The following WEE2 variants were observed in gnomAD, a reference collection of about 807,000 sequenced individuals.
The protein encoded by WEE2 is WEE2 oocyte meiosis inhibiting kinase.
A neutral mutation model predicts 60.1 loss-of-function variants in WEE2; 50 were observed. That is an observed-to-expected ratio of 0.83 (90% CI 0.66 to 1.05). The LOEUF is 1.05. Among genes scored for constraint, WEE2 ranks in the 50% least tolerant of loss-of-function variants. The probability of loss-of-function intolerance (pLI) is 0.00; values close to 1 mark genes in which losing one functional copy is unlikely to be tolerated. For missense variants in WEE2, 631 were observed against 684.3 expected (o/e 0.92, Z 0.87); for synonymous variants, 240 against 241.0 (o/e 1.00, Z 0.04).
intron 9 of WEE2, 116 bp downstream of exon 9, chr7:141,725,312 C>T (rs925351735): frequency 2.0e-5 from 25 of 1,219,696 alleles, no homozygotes; most frequent in South Asian, 7.9e-5. Context: ...GAAAAAGGAA[C>T]GTGACTAGAA....
At chr7:141,717,066 T>A (rs996237863) in intron 3 of WEE2, among the ~76,000 whole-genome samples, 2 of 152,198 alleles carry the variant, frequency 1.3e-5, no homozygotes, top group African/African-American at 4.8e-5. Flanking sequence ...ATTAAGATGT[T>A]TATAACACCT....
Position 141,716,391 on chromosome 7 carries a change from C to T in WEE2, c.585+124C>T, listed in dbSNP as rs1798797570. 1.6e-5 allele frequency: 14 copies of T among 858,408 alleles called. No homozygotes were observed. In the South Asian group the frequency reaches 2.3e-4, roughly 14 times the overall value. The allele number at this position is 858,408 out of a possible 1,614,324, so 53.2% of individuals were successfully genotyped here. ...CCTTCTTCCCTACCCTCCCTTTTCTCCTTCCTCACCCTCCCCTCCTCTCCT... is the reference window on the plus strand; with the variant it reads ...CCTTCTTCCCTACCCTCCCTTTTCTTCTTCCTCACCCTCCCCTCCTCTCCT... On this transcript the variant is annotated intron_variant, in intron 3 of 11. Transcript: ENST00000397541.
At chr7:141,727,708 C>T (rs567485653) in intron 10 of WEE2, 16 of 404,138 alleles carry the variant, frequency 4.0e-5, no homozygotes, top group African/African-American at 3.0e-4. Flanking sequence ...AAGGAAATAC[C>T]AGTAAAGAAA....
intron 6 of WEE2, among the ~76,000 whole-genome samples, chr7:141,723,507 A>T (rs1798956797): frequency 6.6e-6 from 1 of 152,204 alleles, no homozygotes; most frequent in Admixed American, 6.5e-5. Context: ...AAGGCCAAAA[A>T]AGTAAAATTA....
Position 141,729,755 on chromosome 7 carries a change from A to G in WEE2, c.1678+82A>G, listed in dbSNP as rs141607957. On this transcript the variant is annotated intron_variant, in intron 11 of 11. Coordinates refer to ENST00000397541, the MANE Select transcript of WEE2 (RefSeq NM_001105558.1). ...TGTAATCCCAACACTTTGGGAGGCC[A>G]AGGCAGGTGGATCATGAGGTCAGGA... The G allele has an allele frequency of 2.6e-3, 3,865 of 1,480,288 alleles. 69 individuals are homozygous for G. In the East Asian group the frequency reaches 0.036, roughly 14 times the overall value. 91.7% of individuals were successfully genotyped at this position (1,480,288 alleles called of 1,614,324 possible).
chr7:141,726,740 T>C (rs1799025295), intron 9 of WEE2, among the ~76,000 whole-genome samples: 1 of 152,226 alleles, frequency 6.6e-6, no homozygotes, highest in South Asian at 2.1e-4. Flanking sequence ...CAACAAATGG[T>C]GGAGTTGGCT....
In WEE2 at chr7:141,724,897, T is replaced by A. The variant is rs73520122; in HGVS notation, c.1222-129T>A. The A allele has an allele frequency of 3.9e-3, 4,000 of 1,030,002 alleles. 118 individuals carry two copies. In the African/African-American group the frequency reaches 0.058, roughly 15 times the overall value. 63.8% of individuals were successfully genotyped at this position (1,030,002 alleles called of 1,614,324 possible). ...TCTAGAAATCACTAACTACAGCGAA[T>A]GTATCTTTGACCGTCGTGTCTGTTT... is the stretch of plus-strand genomic sequence containing the variant. On this transcript the variant is annotated intron_variant, in intron 8 of 11. Coordinates refer to ENST00000397541, the MANE Select transcript of WEE2 (RefSeq NM_001105558.1).
At chr7:141,716,442 T>C (rs1798798691) in intron 3 of WEE2, among the ~76,000 whole-genome samples, 175 bp downstream of exon 3, 1 of 139,046 alleles carries the variant, frequency 7.2e-6, no homozygotes, top group South Asian at 2.6e-4. Context: ...CCTCCCCTTC[T>C]TCTACCCTCT....
chr7:141,724,032 T>C lies in WEE2; in HGVS notation c.1119T>C (p.Asn373=), dbSNP rs760169334. Residue 373 remains asparagine (N), a synonymous_variant, in exon 7 of 12, where the codon AAT becomes AAC. Coordinates refer to ENST00000397541, the MANE Select transcript of WEE2 (RefSeq NM_001105558.1). ...ENEADWFLSA[N]VMYKIGDLGH... The stretch of plus-strand genomic sequence containing the variant: ...AAGCTGATTGGTTTCTCTCTGCCAA[T>C]GTGATGTATAAAATTGGTTAGTCTG... The C allele has an allele frequency of 6.2e-7, 1 of 1,613,072 alleles. No individual in the cohort carries two copies. Among genetic ancestry groups the C allele is most frequent in the South Asian group, 1.1e-5 (1 of 90,818 alleles).
Position 141,708,765 on chromosome 7 carries a change from G to A in WEE2, c.7G>A (p.Asp3Asn). The A allele has an allele frequency of 1.2e-6, 2 of 1,612,886 alleles. No individual in the cohort carries two copies. The highest frequency in any genetic ancestry group is 1.7e-6 in the Non-Finnish European group (2 of 1,179,282). MDDKDIDKELRQK... is the reference protein window; with the variant it reads MDNKDIDKELRQK... ...GTAAAGCTCTTTGGCTGAGATGGAT[G>A]ACAAAGATATTGACAAAGAACTAAG... Residue 3 changes from aspartate to asparagine, a missense_variant, in exon 1 of 12, where the codon GAC (aspartate) becomes AAC (asparagine). By Grantham distance (23) the Asp-to-Asn change is conservative. Coordinates refer to ENST00000397541, the MANE Select transcript of WEE2 (RefSeq NM_001105558.1).
At chr7:141,728,543 C>A (rs1799061355) in intron 10 of WEE2, among the ~76,000 whole-genome samples, 2 of 152,144 alleles carry the variant, frequency 1.3e-5, no homozygotes, top group South Asian at 4.1e-4. Context: ...ATATAAGTAC[C>A]TCTTAAGGTG....
intron 4 of WEE2, 37 bp from the exon 5 acceptor site, chr7:141,720,898 T>G (rs771779541): frequency 1.3e-6 from 2 of 1,599,148 alleles, no homozygotes; most frequent in Non-Finnish European, 1.7e-6. Flanking sequence ...TTATCTTGAT[T>G]GATGTTTTTA....
At chr7:141,726,845 A>T (rs1034148701) in intron 9 of WEE2, among the ~76,000 whole-genome samples, 1 of 152,190 alleles carries the variant, frequency 6.6e-6, no homozygotes, top group Non-Finnish European at 1.5e-5. Context: ...TATTCAAATC[A>T]TGATAGGTTA....
chr7:141,710,736 G>T (rs909087354), intron 1 of WEE2, among the ~76,000 whole-genome samples: 1 of 152,176 alleles, frequency 6.6e-6, no homozygotes, highest in Non-Finnish European at 1.5e-5. Context: ...TTATGGAGGG[G>T]AAGGAGCTGC....
chr7:141,708,838 A>G lies in WEE2; in HGVS notation c.80A>G (p.Gln27Arg), dbSNP rs753789436. The part of the protein sequence containing the change: ...SYCEETEIEG[Q>R]KKVEESREAS... ...TGTGAGGAGACTGAGATTGAAGGGCAGAAGAAAGTAGAAGAAAGCAGGGAG... is the reference window on the plus strand; with the variant it reads ...TGTGAGGAGACTGAGATTGAAGGGCGGAAGAAAGTAGAAGAAAGCAGGGAG... The change falls in exon 1 of 12, where the codon CAG becomes CGG. Residue 27 changes from glutamine (Q) to arginine (R), a missense_variant. Transcript: ENST00000397541. 1.9e-6 allele frequency: 3 copies of G among 1,614,210 alleles called. No homozygotes were observed. Among genetic ancestry groups the G allele is most frequent in the South Asian group, 2.2e-5 (2 of 91,080 alleles).
At chr7:141,721,195 T>C in intron 5 of WEE2, 139 bp downstream of exon 5, 1 of 982,760 alleles carries the variant, frequency 1.0e-6, no homozygotes, top group African/African-American at 1.7e-5. Flanking sequence ...TATTATAGTC[T>C]TGCTTGGAAG....
intron 8 of WEE2, 109 bp downstream of exon 8, chr7:141,724,384 C>A: frequency 2.1e-6 from 2 of 940,010 alleles, no homozygotes; most frequent in Non-Finnish European, 3.2e-6. Context: ...ATTATAGTAC[C>A]GCTCTTCCCA....
At position 141,714,362 on chromosome 7, in the gene WEE2, T is replaced by A. The variant is rs1384303543; in HGVS notation, c.496T>A (p.Leu166Ile). 2.5e-6 allele frequency: 4 copies of A among 1,612,198 alleles called. No individual in the cohort carries two copies. Among genetic ancestry groups the A allele is most frequent in the African/African-American group, 1.3e-5 (1 of 74,776 alleles). Residue 166 changes from leucine (L) to isoleucine (I), a missense_variant, in exon 2 of 12, where the codon TTA becomes ATA. Leu to Ile is a conservative substitution (Grantham distance 5). Coordinates refer to ENST00000397541, the MANE Select transcript of WEE2 (RefSeq NM_001105558.1). ...CTTCACTCCAGAGTCCTATAAAAAA[T>A]TATTTCTTCAATCTGGTGGCAAGAG... Reference protein sequence around the residue: ...NPFTPESYKKLFLQSGGKRKI... With the variant: ...NPFTPESYKKIFLQSGGKRKI...
Position 141,708,979 on chromosome 7 carries a change from A to T in WEE2, c.221A>T (p.Lys74Ile). The T allele has an allele frequency of 6.2e-7, 1 of 1,613,946 alleles. No homozygotes were observed. The highest frequency in any genetic ancestry group is 8.5e-7 in the Non-Finnish European group (1 of 1,179,904). Residue 74 changes from lysine (K) to isoleucine (I), a missense_variant, in exon 1 of 12, where the codon AAA becomes ATA. Coordinates refer to ENST00000397541, the MANE Select transcript of WEE2 (RefSeq NM_001105558.1). ...CTCGACACATCTTCGGAAAAAGACA[A>T]AGAAAGTCCAGATCAGATTTTGAGG... ...HELDTSSEKD[K>I]ESPDQILRTP...
Sources: gnomAD v4.1 joint callset for allele counts (sites outside exome capture counted in the v4.1 genomes callset) on GRCh38, gnomAD v4.1.1 for gene constraint, MANE v1.5 for transcripts, NCBI Gene and HGNC (gene_info 2026-07-23, HGNC 2026-07-21) for gene names.